The following TCF12 variants were observed in gnomAD, a reference collection of about 807,000 sequenced individuals.
TCF12 encodes the protein transcription factor 12, also known as DNA-binding protein HTF4.
TCF12 carries 45 observed loss-of-function variants against 86.0 expected under a neutral mutation model. That is an observed-to-expected ratio of 0.52 (90% CI 0.41 to 0.67). TCF12 has a LOEUF of 0.67. TCF12 is among the 30% of genes least tolerant of loss of function. The pLI is 0.00. For synonymous variants in TCF12, 330 were observed against 299.6 expected (o/e 1.10, Z -1.05); for missense variants, 881 against 859.9 (o/e 1.02, Z -0.31).
chr15:57,216,621 G>A (rs749861218), intron 8 of TCF12, among the ~76,000 whole-genome samples: 1 of 148,596 alleles, frequency 6.7e-6, no homozygotes, highest in African/African-American at 2.5e-5. Flanking sequence ...AGCAGCACTT[G>A]ATCCATCTAT....
At chr15:57,176,194 T>C (rs1262535968) in intron 6 of TCF12, among the ~76,000 whole-genome samples, 1 of 152,158 alleles carries the variant, frequency 6.6e-6, no homozygotes, top group Non-Finnish European at 1.5e-5. Context: ...TGAAACCCTG[T>C]CTCTAGAGAA....
chr15:57,242,182 A>G (rs1216906625), intron 12 of TCF12, among the ~76,000 whole-genome samples: 1 of 152,178 alleles, frequency 6.6e-6, no homozygotes, highest in African/African-American at 2.4e-5. Context: ...AGTTTATTCA[A>G]AGCAAGGTCA....
chr15:57,092,426 C>G (rs1462127825), intron 5 of TCF12, among the ~76,000 whole-genome samples: 2 of 152,122 alleles, frequency 1.3e-5, no homozygotes, highest in African/African-American at 2.4e-5. Flanking sequence ...GTTGCACTTT[C>G]AAGAAGGGTA....
At chr15:57,103,911 G>A (rs1341561900) in intron 5 of TCF12, among the ~76,000 whole-genome samples, 1 of 152,156 alleles carries the variant, frequency 6.6e-6, no homozygotes, top group Non-Finnish European at 1.5e-5. Context: ...AGGAGGCTGA[G>A]GTGGGAGAAT....
chr15:57,064,268 C>T (rs1411572790), intron 4 of TCF12, among the ~76,000 whole-genome samples: 1 of 152,094 alleles, frequency 6.6e-6, no homozygotes, highest in South Asian at 2.1e-4. Flanking sequence ...TCAAAACAGA[C>T]ATAACAGATG....
At chr15:57,198,348 C>G (rs111260330) in intron 8 of TCF12, among the ~76,000 whole-genome samples, 79 of 152,198 alleles carry the variant, frequency 5.2e-4, no homozygotes, top group African/African-American at 1.8e-3. Flanking sequence ...GTTTTAAAGC[C>G]TTCATTAAGC....
At chr15:57,270,432 G>T (rs993254241) in intron 18 of TCF12, among the ~76,000 whole-genome samples, 3 of 152,224 alleles carry the variant, frequency 2.0e-5, no homozygotes, top group Admixed American at 6.5e-5. Flanking sequence ...TCTTCTCTAT[G>T]CTGGATATTC....
At chr15:57,165,324 A>G (rs1367829943) in intron 5 of TCF12, among the ~76,000 whole-genome samples, 2 of 152,208 alleles carry the variant, frequency 1.3e-5, no homozygotes, top group Non-Finnish European at 2.9e-5. Flanking sequence ...TTATCAACAC[A>G]CAGCTCAAAA....
intron 3 of TCF12, among the ~76,000 whole-genome samples, chr15:56,945,886 T>G (rs1486593333): frequency 1.3e-5 from 2 of 152,202 alleles, no homozygotes; most frequent in African/African-American, 4.8e-5. Context: ...AAAAGTGGGT[T>G]TGGCCCTCTC....
intron 3 of TCF12, among the ~76,000 whole-genome samples, 170 bp from the exon 4 acceptor site, chr15:57,063,580 A>G (rs1209960973): frequency 1.3e-5 from 2 of 152,334 alleles, no homozygotes; most frequent in East Asian, 3.9e-4. Flanking sequence ...GCAATGATGA[A>G]GATACTTTGC....
chr15:57,042,945 C>T (rs969900323), intron 3 of TCF12, among the ~76,000 whole-genome samples: 3 of 152,092 alleles, frequency 2.0e-5, no homozygotes, highest in Non-Finnish European at 2.9e-5. Context: ...ACCATTCTAC[C>T]TTCTGCTTCT....
chr15:57,057,589 G>T (rs996526163), intron 3 of TCF12, among the ~76,000 whole-genome samples: 1 of 152,190 alleles, frequency 6.6e-6, no homozygotes, highest in African/African-American at 2.4e-5. Flanking sequence ...AGGATTTATA[G>T]TAACTATTAG....
chr15:57,232,554 C>T, intron 10 of TCF12, 124 bp downstream of exon 10: 1 of 1,465,508 alleles, frequency 6.8e-7, no homozygotes, highest in Non-Finnish European at 9.2e-7. Flanking sequence ...TCAAGGCTTA[C>T]CGCGTTTACC....
intron 5 of TCF12, among the ~76,000 whole-genome samples, chr15:57,095,829 T>G (rs1359915743): frequency 6.6e-6 from 1 of 152,124 alleles, no homozygotes; most frequent in Non-Finnish European, 1.5e-5. Context: ...CTCTAGAATT[T>G]TACAATTCCA....
chr15:57,023,510 A>G (rs1210788623), intron 3 of TCF12, among the ~76,000 whole-genome samples: 2 of 152,162 alleles, frequency 1.3e-5, no homozygotes, highest in Non-Finnish European at 2.9e-5. Flanking sequence ...TGCACCAACC[A>G]TATGAGTTGT....
chr15:57,030,149 A>G (rs562881020), intron 3 of TCF12, among the ~76,000 whole-genome samples: 1 of 148,142 alleles, frequency 6.8e-6, no homozygotes, highest in South Asian at 2.1e-4. Flanking sequence ...TGCTTTATTG[A>G]TTAATTAATT....
intron 3 of TCF12, among the ~76,000 whole-genome samples, chr15:56,932,173 A>T (rs2060275326): frequency 6.6e-6 from 1 of 152,230 alleles, no homozygotes; most frequent in Non-Finnish European, 1.5e-5. Flanking sequence ...AAGGGGAGGA[A>T]TCTTATTGTT....
At chr15:57,263,090 C>G (rs748327946) in intron 17 of TCF12, 22 bp from the exon 18 acceptor site, 1 of 1,579,580 alleles carries the variant, frequency 6.3e-7, no homozygotes, top group Non-Finnish European at 8.5e-7. Flanking sequence ...TTTATTTTAT[C>G]TTTCCTTTGC....
Position 57,232,670 on chromosome 15 carries a change from T to C in TCF12, c.826-42T>C, listed in dbSNP as rs1329040542. On this transcript the variant is annotated intron_variant, in intron 10 of 20. Coordinates refer to ENST00000333725, the MANE Select transcript of TCF12 (RefSeq NM_207037.2). ...AGTTGTCCATTTTATGTGAATATTA[T>C]TCAGAAAATATATTTAATAGATCAT... 3.2e-6 allele frequency: 5 copies of C among 1,578,392 alleles called. No individual in the cohort carries two copies. The African/African-American group carries it at 4.1e-5, about 13-fold the overall frequency.
Sources: gnomAD v4.1 joint callset for allele counts (sites outside exome capture counted in the v4.1 genomes callset) on GRCh38, gnomAD v4.1.1 for gene constraint, MANE v1.5 for transcripts, NCBI Gene and HGNC (gene_info 2026-07-23, HGNC 2026-07-21) for gene names.